Variants in FMNL2 observed in about 807,000 individuals in gnomAD.
FMNL2 encodes the protein formin like 2, also known as formin-like protein 2.
A neutral mutation model predicts 130.2 loss-of-function variants in FMNL2; 51 were observed. That is an observed-to-expected ratio of 0.39 (90% CI 0.31 to 0.49). The LOEUF (loss-of-function observed/expected upper bound fraction) is 0.49, where lower values mean the gene tolerates loss of function less well. FMNL2 is among the 20% of genes least tolerant of loss of function. The pLI, the probability that FMNL2 is intolerant of heterozygous loss-of-function variation, is 0.85. For missense variants in FMNL2, 977 were observed against 1,316.2 expected, an observed-to-expected ratio of 0.74 and a Z score of 3.99; for synonymous variants, 465 against 467.1, an observed-to-expected ratio of 1.00 and a Z score of 0.06.
chr2:152,468,224 A>G (rs1689661761), intron 1 of FMNL2, among the ~76,000 whole-genome samples: 1 of 152,046 alleles, frequency 6.6e-6, no homozygotes, highest in African/African-American at 2.4e-5. Flanking sequence ...CCCCTGATAC[A>G]TAATGAGATT....
chr2:152,363,780 TC>T (rs1349773699), intron 1 of FMNL2, among the ~76,000 whole-genome samples: 3 of 152,172 alleles, frequency 2.0e-5, no homozygotes, highest in Admixed American at 2.0e-4. Flanking sequence ...CAGCCTGGTC[TC>T]GAACTCCTGA....
intron 1 of FMNL2, among the ~76,000 whole-genome samples, chr2:152,465,327 T>C (rs1464728801): frequency 6.6e-6 from 1 of 152,184 alleles, no homozygotes; most frequent in Non-Finnish European, 1.5e-5. Flanking sequence ...ATTTTGTGTG[T>C]TGCAGGCAGG....
At chr2:152,571,307 G>A (rs1449858485) in intron 6 of FMNL2, among the ~76,000 whole-genome samples, 1 of 152,174 alleles carries the variant, frequency 6.6e-6, no homozygotes, top group Non-Finnish European at 1.5e-5. Flanking sequence ...ACCATTAGCT[G>A]TTGACAGAGT....
chr2:152,506,868 G>T (rs977274259), intron 1 of FMNL2, among the ~76,000 whole-genome samples: 1 of 152,046 alleles, frequency 6.6e-6, no homozygotes, highest in African/African-American at 2.4e-5. Flanking sequence ...TCTTCTAAAA[G>T]CATAATTACT....
rs1403333414 is a variant in FMNL2, at chr2:152,388,428, C to T, written c.117+52708C>T. Among the ~76,000 whole-genome samples, 4 of 152,168 alleles carry T rather than the reference C, an allele frequency of 2.6e-5. No individual in the cohort carries two copies. The South Asian group carries it at 6.2e-4, about 24-fold the overall frequency. On this transcript the variant is annotated intron_variant, in intron 1 of 25. Transcript: ENST00000288670. ...TGTCGGCAGCAAGGAGAAGTATGAACGGAATGGGAGAAAAGCCCTTACGAA... is the reference window on the plus strand; with the variant it reads ...TGTCGGCAGCAAGGAGAAGTATGAATGGAATGGGAGAAAAGCCCTTACGAA...
At chr2:152,619,284 G>A in intron 14 of FMNL2, 126 bp downstream of exon 14, 1 of 1,319,560 alleles carries the variant, frequency 7.6e-7, no homozygotes, top group Non-Finnish European at 1.0e-6. Context: ...GTTTTCTTGA[G>A]TAGTTCTTAA....
rs1696632929 is a variant in FMNL2 at position 152,579,078 on chromosome 2, G to C, written c.782+114G>C. ...TTTCAAGTGTTAATCTCTGAAATAA[G>C]ATTGGCTATAAACTCTTTGGCTGTG... is the stretch of plus-strand genomic sequence containing the variant. On this transcript the variant is annotated intron_variant, in intron 8 of 25. Transcript: ENST00000288670. The C allele has an allele frequency of 5.9e-6, 5 of 841,012 alleles. No individual in the cohort carries two copies. The South Asian group carries it at 8.4e-5, about 14-fold the overall frequency. The allele number at this position is 841,012 out of a possible 1,614,324, so 52.1% of individuals were successfully genotyped here. A position where few individuals can be genotyped will look rare whatever the true frequency, so the allele number is the denominator to read the frequency against.
chr2:152,638,337 C>T (rs560603191), intron 23 of FMNL2, among the ~76,000 whole-genome samples: 1 of 152,294 alleles, frequency 6.6e-6, no homozygotes, highest in East Asian at 1.9e-4. Context: ...TTTTAGCTGA[C>T]CTTGGCAACA....
intron 1 of FMNL2, among the ~76,000 whole-genome samples, chr2:152,510,229 T>G (rs1037952280): frequency 6.6e-6 from 1 of 152,210 alleles, no homozygotes; most frequent in African/African-American, 2.4e-5. Flanking sequence ...CAGAATGCCT[T>G]TTGTTTATTG....
chr2:152,389,658 G>T (rs1332957997), intron 1 of FMNL2, among the ~76,000 whole-genome samples: 1 of 152,244 alleles, frequency 6.6e-6, no homozygotes, highest in South Asian at 2.1e-4. Context: ...ACCTCAGGAC[G>T]TGGATCCGAG....
At chr2:152,460,706 G>A (rs1188405966) in intron 1 of FMNL2, among the ~76,000 whole-genome samples, 1 of 152,128 alleles carries the variant, frequency 6.6e-6, no homozygotes, top group Non-Finnish European at 1.5e-5. Context: ...AGCAGCATTA[G>A]ATTCTCATAG....
At chr2:152,627,234 G>T (rs189329274) in intron 17 of FMNL2, among the ~76,000 whole-genome samples, 9 of 152,236 alleles carry the variant, frequency 5.9e-5, no homozygotes, top group Admixed American at 5.9e-4. Context: ...ATTTTAATTC[G>T]TAACAACAGG....
At chr2:152,418,076 G>C (rs909747851) in intron 1 of FMNL2, among the ~76,000 whole-genome samples, 2 of 151,958 alleles carry the variant, frequency 1.3e-5, no homozygotes, top group African/African-American at 2.4e-5. Context: ...GAACTCCTGA[G>C]CTCAGATAAT....
intron 1 of FMNL2, among the ~76,000 whole-genome samples, chr2:152,504,183 T>C (rs775763295): frequency 1.3e-5 from 2 of 152,060 alleles, no homozygotes; most frequent in Non-Finnish European, 2.9e-5. Context: ...AGAGCGAGAC[T>C]CTGGCTCAAC....
At chr2:152,484,376 T>G (rs1690697922) in intron 1 of FMNL2, among the ~76,000 whole-genome samples, 1 of 152,104 alleles carries the variant, frequency 6.6e-6, no homozygotes, top group Non-Finnish European at 1.5e-5. Context: ...TGCAATAGCT[T>G]TGCCTGTAAT....
At chr2:152,400,055 G>A (rs1685601788) in intron 1 of FMNL2, among the ~76,000 whole-genome samples, 1 of 152,120 alleles carries the variant, frequency 6.6e-6, no homozygotes, top group Non-Finnish European at 1.5e-5. Context: ...TTGAGTTTGA[G>A]GTTGATCACA....
chr2:152,360,966 C>T (rs902227053), intron 1 of FMNL2, among the ~76,000 whole-genome samples: 1 of 152,072 alleles, frequency 6.6e-6, no homozygotes, highest in African/African-American at 2.4e-5. Context: ...AATATCTATT[C>T]CTTGTAGTAA....
At chr2:152,465,071 A>G (rs1689452075) in intron 1 of FMNL2, among the ~76,000 whole-genome samples, 1 of 152,238 alleles carries the variant, frequency 6.6e-6, no homozygotes. Context: ...CAGTACTACC[A>G]TGGCAGCATC....
intron 1 of FMNL2, among the ~76,000 whole-genome samples, chr2:152,431,775 G>C (rs139616166): frequency 5.3e-5 from 8 of 151,774 alleles, no homozygotes; most frequent in Non-Finnish European, 8.8e-5. Context: ...AGACCAGCCC[G>C]GGCAACATAG....
Sources: allele counts gnomAD v4.1 joint callset (sites outside exome capture counted in the v4.1 genomes callset), GRCh38; gene constraint gnomAD v4.1.1; transcripts MANE v1.5; gene names NCBI Gene and HGNC (gene_info 2026-07-23, HGNC 2026-07-21).